The following ADAM12 variants were observed in gnomAD, a reference collection of about 807,000 sequenced individuals.
ADAM12 encodes ADAM metallopeptidase domain 12, also known as disintegrin and metalloproteinase domain-containing protein 12.
A neutral mutation model predicts 106.4 loss-of-function variants in ADAM12; 70 were observed. The ratio of observed to expected loss-of-function variants is 0.66; its 90% confidence interval spans 0.54 to 0.80. ADAM12 has a LOEUF of 0.80. Ranked by LOEUF, ADAM12 falls within the 30% of genes least tolerant of loss-of-function variation. The probability of loss-of-function intolerance (pLI) is 0.00; values close to 1 mark genes in which losing one functional copy is unlikely to be tolerated. For synonymous variants in ADAM12, 420 were observed against 433.5 expected (o/e 0.97, Z 0.39); for missense variants, 1,010 against 1,171.9 (o/e 0.86, Z 2.02).
chr10:126,332,544 A>T (rs1418719033), intron 1 of ADAM12, among the ~76,000 whole-genome samples: 1 of 152,216 alleles, frequency 6.6e-6, no homozygotes, highest in African/African-American at 2.4e-5. Flanking sequence ...AATTAAGAAG[A>T]AAAACAGGGT....
At chr10:126,235,474 G>A (rs1958396130) in intron 3 of ADAM12, among the ~76,000 whole-genome samples, 3 of 152,208 alleles carry the variant, frequency 2.0e-5, no homozygotes. Flanking sequence ...GCCCCTGGGT[G>A]TGAGTCCTGG....
rs559117613 is a variant in ADAM12 at position 126,064,698 on chromosome 10, A to C, written c.1609+108T>G. ...TGAACACACCGGATGCTGTGTGGAC[A>C]GCGCCCGCCAGGAGTGGGGGCTAAC... On this transcript the variant is annotated intron_variant, in intron 14 of 22. Transcript: ENST00000448723. This position sits in a 1 kb window ranked among gnomAD's most constrained non-coding sequence, Gnocchi z 4.4. 1 of 1,193,610 alleles carries C rather than the reference A, an allele frequency of 8.4e-7. No individual in the cohort carries two copies. Among genetic ancestry groups the C allele is most frequent in the South Asian group, 1.5e-5 (1 of 67,040 alleles). 73.9% of individuals were successfully genotyped at this position (1,193,610 alleles called of 1,614,324 possible). A position where few individuals can be genotyped will look rare whatever the true frequency, so the allele number is the denominator to read the frequency against.
chr10:126,210,280 C>T (rs963289823), intron 3 of ADAM12, among the ~76,000 whole-genome samples: 1 of 152,174 alleles, frequency 6.6e-6, no homozygotes, highest in African/African-American at 2.4e-5. Context: ...TGTCAGGCGC[C>T]GTGCTGGTCA....
At chr10:126,295,176 A>C (rs1960313944) in intron 2 of ADAM12, among the ~76,000 whole-genome samples, 10 of 152,062 alleles carry the variant, frequency 6.6e-5, no homozygotes, top group Admixed American at 6.6e-4. Flanking sequence ...CTCCCCCCAA[A>C]AAATAGAATC....
At chr10:126,332,781 C>G (rs553124807) in intron 1 of ADAM12, among the ~76,000 whole-genome samples, 12 of 152,032 alleles carry the variant, frequency 7.9e-5, no homozygotes, top group African/African-American at 2.7e-4. Flanking sequence ...GTGTGAGGGA[C>G]GCATCGGCCG....
intron 3 of ADAM12, among the ~76,000 whole-genome samples, chr10:126,251,767 TGATG>T (rs1958769545): frequency 6.9e-6 from 1 of 144,080 alleles, no homozygotes; most frequent in Admixed American, 6.9e-5. Context: ...ATGGATGGGA[TGATG>T]GGATGAATGG....
At chr10:126,271,382 A>C (rs1255246683) in intron 3 of ADAM12, among the ~76,000 whole-genome samples, 1 of 152,194 alleles carries the variant, frequency 6.6e-6, no homozygotes, top group Non-Finnish European at 1.5e-5. Context: ...TCTTGGCTCA[A>C]GCCATCATCA....
At chr10:126,286,345 C>CCCAT (rs2133769463) in intron 2 of ADAM12, among the ~76,000 whole-genome samples, 1 of 152,236 alleles carries the variant, frequency 6.6e-6, no homozygotes, top group African/African-American at 2.4e-5. Context: ...CAAGTCCACT[C>CCCAT]CCATCACAAC....
At chr10:126,352,383 TAAAC>T (rs1470484714) in intron 1 of ADAM12, among the ~76,000 whole-genome samples, 1 of 152,198 alleles carries the variant, frequency 6.6e-6, no homozygotes, top group Admixed American at 6.5e-5. Flanking sequence ...ACTTCCTTCT[TAAAC>T]AAATTTAAGC....
chr10:126,233,892 A>C (rs1958363131), intron 3 of ADAM12, among the ~76,000 whole-genome samples: 1 of 152,232 alleles, frequency 6.6e-6, no homozygotes, highest in South Asian at 2.1e-4. Flanking sequence ...TTGTATGCAT[A>C]ATTTTGTATC....
intron 2 of ADAM12, among the ~76,000 whole-genome samples, chr10:126,320,197 C>T (rs1270657915): frequency 6.6e-6 from 1 of 152,158 alleles, no homozygotes; most frequent in South Asian, 2.1e-4. Flanking sequence ...CAGGCGGTAA[C>T]AAAAAATGCT....
chr10:126,041,260 A>ATGGCC, intron 18 of ADAM12: 1 of 900,170 alleles, frequency 1.1e-6, no homozygotes, highest in Non-Finnish European at 1.3e-6. Context: ...CCCCTGAGCC[A>ATGGCC]TGGCCAGGCC....
At chr10:126,163,616 T>A (rs1206978158) in intron 3 of ADAM12, among the ~76,000 whole-genome samples, 3 of 152,202 alleles carry the variant, frequency 2.0e-5, no homozygotes, top group Admixed American at 2.0e-4. Context: ...TTGAATGAGA[T>A]GGATTTCATT....
chr10:126,381,954 G>A (rs1213077392), intron 1 of ADAM12, among the ~76,000 whole-genome samples: 1 of 144,598 alleles, frequency 6.9e-6, no homozygotes, highest in African/African-American at 2.6e-5. Flanking sequence ...CAGCCTGGGT[G>A]ACAATGCAAG....
rs936653068 is a variant in ADAM12 at position 126,187,955 on chromosome 10, C to T, written c.261-32650G>A. 2.0e-5 allele frequency among the ~76,000 whole-genome samples: 3 copies of T among 152,148 alleles called. No homozygotes were observed. The East Asian group carries it at 5.8e-4, about 29-fold the overall frequency. ...GAGATGAGCATCCAAGAAAGAAGCA[C>T]ATGTCTGCTTTAGGTCAGAGTGCTG... On this transcript the variant is annotated intron_variant, in intron 3 of 22. Transcript: ENST00000448723.
At chr10:126,176,928 G>A (rs1957229232) in intron 3 of ADAM12, among the ~76,000 whole-genome samples, 1 of 152,084 alleles carries the variant, frequency 6.6e-6, no homozygotes, top group African/African-American at 2.4e-5. Flanking sequence ...TTCAGAAAAG[G>A]GCTCCCTTCA....
At chr10:126,324,403 A>C (rs770892901) in intron 2 of ADAM12, among the ~76,000 whole-genome samples, 1 of 152,182 alleles carries the variant, frequency 6.6e-6, no homozygotes, top group Non-Finnish European at 1.5e-5. Flanking sequence ...TTCATGGCTA[A>C]GATGTAGGGG....
intron 2 of ADAM12, among the ~76,000 whole-genome samples, chr10:126,301,188 C>T (rs1214048284): frequency 6.6e-6 from 1 of 152,196 alleles, no homozygotes; most frequent in South Asian, 2.1e-4. Flanking sequence ...CAAATGTTAA[C>T]AGTGTCATCG....
rs190908290 is a variant in ADAM12, at chr10:126,163,040, C to T, written c.261-7735G>A. ...CCCACCCCTTCCTCTCACTTTCTCC[C>T]GCTTTCATCATACGAGGTACATGTT... On this transcript the variant is annotated intron_variant, in intron 3 of 22. Transcript: ENST00000448723. Among the ~76,000 whole-genome samples, 242 of 152,238 alleles carry T rather than the reference C, an allele frequency of 1.6e-3. 1 individual carries two copies. Among genetic ancestry groups the T allele is most frequent in the African/African-American group, 4.7e-3 (197 of 41,534 alleles).
Sources: allele counts gnomAD v4.1 joint callset (sites outside exome capture counted in the v4.1 genomes callset), GRCh38; gene constraint gnomAD v4.1.1; non-coding constraint Gnocchi (gnomAD v3.1); transcripts MANE v1.5; gene names NCBI Gene and HGNC (gene_info 2026-07-23, HGNC 2026-07-21).